The following SFXN3 variants were observed in gnomAD, a reference collection of about 807,000 sequenced individuals.
SFXN3 encodes sideroflexin-3.
In SFXN3, 31 loss-of-function variants were observed where a neutral mutation model predicts 40.4. That is an observed-to-expected ratio of 0.77 (90% CI 0.58 to 1.04). The LOEUF is 1.04. SFXN3 is among the 50% of genes least tolerant of loss of function. The pLI, the probability that SFXN3 is intolerant of heterozygous loss-of-function variation, is 0.00. For missense variants in SFXN3, 366 were observed against 408.2 expected (o/e 0.90, Z 0.89); for synonymous variants, 157 against 160.0 (o/e 0.98, Z 0.14).
At position 101,035,488 on chromosome 10, in the gene SFXN3, C is replaced by G. The variant is rs372100811; in HGVS notation, c.162-9C>G. 6.3e-7 allele frequency: 1 copy of G among 1,594,820 alleles called. No homozygotes were observed. The highest frequency in any genetic ancestry group is 1.3e-5 in the African/African-American group (1 of 74,786). On this transcript the variant is annotated splice_polypyrimidine_tract_variant and intron_variant, in intron 3 of 11. Transcript: ENST00000393459. Reference sequence around the variant, plus strand: ...GCATAGCCTGTCTGCTCCTTGCCAACTTCTGCAGGGCCGGCGTGGTGACCC... The same window carrying G: ...GCATAGCCTGTCTGCTCCTTGCCAAGTTCTGCAGGGCCGGCGTGGTGACCC...
At chr10:101,032,420 C>T (rs1402413699) in exon 2 of SFXN3, 5 of 1,505,592 alleles carry the variant, frequency 3.3e-6, no homozygotes, top group African/African-American at 1.4e-5. Context: ...TGGGAGGGCC[C>T]GGCGGCGACA....
In SFXN3 at chr10:101,039,587, G is replaced by C. The variant is rs569486899; in HGVS notation, c.*2G>C. On this transcript the variant is annotated 3_prime_UTR_variant, in exon 12 of 12. Transcript: ENST00000393459. The surrounding 1 kb of genome is among the most constrained non-coding windows in gnomAD (Gnocchi z 4.6). Reference sequence around the variant, plus strand: ...GTCTACTACAACAAGGGGCTTTGAGGAGGGTCAGCCTCTGTCCCCTCCCTC... The same window carrying C: ...GTCTACTACAACAAGGGGCTTTGAGCAGGGTCAGCCTCTGTCCCCTCCCTC... The C allele has an allele frequency of 6.2e-7, 1 of 1,613,946 alleles. No homozygotes were observed. Among genetic ancestry groups the C allele is most frequent in the South Asian group, 1.1e-5 (1 of 91,084 alleles).
intron 9 of SFXN3, 28 bp from the exon 10 acceptor site, chr10:101,038,615 G>A (rs201357744): frequency 3.6e-4 from 587 of 1,613,778 alleles, no homozygotes; most frequent in Non-Finnish European, 4.3e-4. Flanking sequence ...GACACAAGCC[G>A]TTCCATTGTC....
At position 101,039,272 on chromosome 10, in the gene SFXN3, T is replaced by C. The variant is rs376779961; in HGVS notation, c.869+50T>C. ...GGGGGACTCTGGATTGGACTCTGCA[T>C]CTCTGGACCAGCTGACCTAGGGTCT... is the stretch of plus-strand genomic sequence containing the variant. On this transcript the variant is annotated intron_variant, in intron 11 of 11. Coordinates refer to ENST00000393459, the Ensembl canonical transcript of SFXN3. This position sits in a 1 kb window ranked among gnomAD's most constrained non-coding sequence, Gnocchi z 4.6. 9.8e-6 allele frequency: 15 copies of C among 1,527,596 alleles called. No homozygotes were observed. The highest frequency in any genetic ancestry group is 1.3e-5 in the Non-Finnish European group (15 of 1,118,318). 94.6% of individuals were successfully genotyped at this position (1,527,596 alleles called of 1,614,324 possible).
intron 4 of SFXN3, 116 bp downstream of exon 4, chr10:101,035,783 C>A: frequency 7.1e-7 from 1 of 1,405,790 alleles, no homozygotes; most frequent in Non-Finnish European, 9.7e-7. Flanking sequence ...GAATCGCTTC[C>A]ATTCCTCAGA....
Position 101,039,288 on chromosome 10 carries a change from C to T in SFXN3, c.869+66C>T. On this transcript the variant is annotated intron_variant, in intron 11 of 11. Coordinates refer to ENST00000393459, the Ensembl canonical transcript of SFXN3. The surrounding 1 kb of genome is among the most constrained non-coding windows in gnomAD (Gnocchi z 4.6). The stretch of plus-strand genomic sequence containing the variant: ...GACTCTGCATCTCTGGACCAGCTGA[C>T]CTAGGGTCTTCCAGGGTGTTCAGGA... 1 of 1,469,734 alleles carries T rather than the reference C, an allele frequency of 6.8e-7. No homozygotes were observed. Among genetic ancestry groups the T allele is most frequent in the Non-Finnish European group, 9.4e-7 (1 of 1,067,466 alleles). 91.0% of individuals were successfully genotyped at this position (1,469,734 alleles called of 1,614,324 possible).
intron 9 of SFXN3, 45 bp downstream of exon 9, chr10:101,037,476 G>A (rs1426861851): frequency 1.9e-6 from 3 of 1,614,078 alleles, no homozygotes; most frequent in Non-Finnish European, 2.5e-6. Flanking sequence ...CGATGGCTGG[G>A]AGAAGTGACC....
Position 101,039,365 on chromosome 10 carries a change from G to C in SFXN3, c.870-124G>C. On this transcript the variant is annotated intron_variant, in intron 11 of 11. Transcript: ENST00000393459. The surrounding 1 kb of genome is among the most constrained non-coding windows in gnomAD (Gnocchi z 4.6). ...TCTGGGAGTGGGGGAATGACAGTGAGCCAGTCCTTCTGGCAGTAGAAGGAG... is the reference window on the plus strand; with the variant it reads ...TCTGGGAGTGGGGGAATGACAGTGACCCAGTCCTTCTGGCAGTAGAAGGAG... 8.3e-7 allele frequency: 1 copy of C among 1,203,812 alleles called. No homozygotes were observed. Among genetic ancestry groups the C allele is most frequent in the Non-Finnish European group, 1.2e-6 (1 of 815,352 alleles). The allele number at this position is 1,203,812 out of a possible 1,614,324, so 74.6% of individuals were successfully genotyped here.
intron 2 of SFXN3, among the ~76,000 whole-genome samples, chr10:101,033,586 A>G (rs1041109559): frequency 2.6e-5 from 4 of 152,296 alleles, no homozygotes; most frequent in South Asian, 2.1e-4. Flanking sequence ...AGGGTGGGAC[A>G]AGAGACTGAG....
At chr10:101,037,403 A>T (rs1221602172) in exon 9 of SFXN3, 1 of 1,614,000 alleles carries the variant, frequency 6.2e-7, no homozygotes, top group Non-Finnish European at 8.5e-7. Context: ...CTGATCATGG[A>T]CACTCTGGAG....
At chr10:101,040,288 C>A (rs1439976155) in exon 12 of SFXN3, 1 of 152,520 alleles carries the variant, frequency 6.6e-6, no homozygotes, top group East Asian at 1.9e-4. Context: ...TCCCCCACCA[C>A]CCTACTTGAC....
At chr10:101,037,296 G>T in intron 8 of SFXN3, 86 bp from the exon 9 acceptor site, 10 of 1,613,834 alleles carry the variant, frequency 6.2e-6, no homozygotes, top group Non-Finnish European at 8.5e-6. Context: ...GAGAGAGGGA[G>T]GAGCTTTGAG....
exon 10 of SFXN3, chr10:101,038,666 C>A (rs1339530225): frequency 6.2e-7 from 1 of 1,613,074 alleles, no homozygotes; most frequent in East Asian, 2.2e-5. Context: ...TGGGGGCACC[C>A]CTGCAGGTGG....
chr10:101,032,621 T>TG (rs907170809), intron 2 of SFXN3, 139 bp downstream of exon 2: 276 of 994,318 alleles, frequency 2.8e-4, no homozygotes, highest in Non-Finnish European at 3.6e-4. Context: ...CAAGGGAGGT[T>TG]GGGGGGAGGA....
intron 2 of SFXN3, among the ~76,000 whole-genome samples, chr10:101,033,107 T>C (rs1938400962): frequency 6.6e-6 from 1 of 152,132 alleles, no homozygotes; most frequent in African/African-American, 2.4e-5. Context: ...ATGGCTGACA[T>C]CAGAGTCCCC....
At chr10:101,033,906 A>C (rs1012605108) in intron 2 of SFXN3, among the ~76,000 whole-genome samples, 2 of 152,056 alleles carry the variant, frequency 1.3e-5, no homozygotes, top group Non-Finnish European at 2.9e-5. Context: ...CAGCGGAGTA[A>C]AGAATAACAA....
At chr10:101,032,650 G>A (rs995667057) in intron 2 of SFXN3, among the ~76,000 whole-genome samples, 168 bp downstream of exon 2, 1 of 152,174 alleles carries the variant, frequency 6.6e-6, no homozygotes, top group African/African-American at 2.4e-5. Context: ...GTGGGGCTGT[G>A]TGTAGTCACA....
At position 101,037,242 on chromosome 10, in the gene SFXN3, G is replaced by C. The variant is rs376221126; in HGVS notation, c.721+39G>C. On this transcript the variant is annotated intron_variant, in intron 8 of 11. Coordinates refer to ENST00000393459, the Ensembl canonical transcript of SFXN3. ...GGCTGGGTGGGGCATAGGAGACTCT[G>C]AGAGAAGCAGGTGCAGTTCTCAGGG... The C allele has an allele frequency of 2.7e-5, 43 of 1,613,464 alleles. No individual in the cohort carries two copies. In the African/African-American group the frequency reaches 3.9e-4, roughly 15 times the overall value.
chr10:101,031,519 T>G (rs1216802400), exon 1 of SFXN3: 4 of 152,546 alleles, frequency 2.6e-5, no homozygotes, highest in Non-Finnish European at 5.9e-5. Context: ...GCAGGCGTGC[T>G]CTGTGTGGTG....
Sources: allele counts gnomAD v4.1 joint callset (sites outside exome capture counted in the v4.1 genomes callset), GRCh38; gene constraint gnomAD v4.1.1; non-coding constraint Gnocchi (gnomAD v3.1); transcripts MANE v1.5; gene names NCBI Gene and HGNC (gene_info 2026-07-23, HGNC 2026-07-21).